The following LINGO1 variants were observed in gnomAD, a reference collection of about 807,000 sequenced individuals.
LINGO1 encodes the protein leucine rich repeat and Ig domain containing 1.
A neutral mutation model predicts 37.3 loss-of-function variants in LINGO1; 11 were observed. That is an observed-to-expected ratio of 0.29 (90% CI 0.19 to 0.49). LINGO1 has a LOEUF of 0.49. Ranked by LOEUF, LINGO1 falls within the 20% of genes least tolerant of loss-of-function variation. LINGO1 has a pLI of 0.99. For missense variants in LINGO1, 585 were observed against 878.2 expected, an observed-to-expected ratio of 0.67 and a Z score of 4.22; for synonymous variants, 387 against 403.0, an observed-to-expected ratio of 0.96 and a Z score of 0.48.
chr15:77,748,910 T>TCTC (rs1491271118), intron 1 of LINGO1, among the ~76,000 whole-genome samples: 1 of 6,580 alleles, frequency 1.5e-4, no homozygotes, highest in African/African-American at 2.1e-4. Context: ...CTTCCTTCTC[T>TCTC]TTTTTTTTTT....
chr15:77,676,839 C>T (rs1005832386), intron 3 of LINGO1, among the ~76,000 whole-genome samples: 4 of 152,200 alleles, frequency 2.6e-5, no homozygotes, highest in Non-Finnish European at 5.9e-5. Flanking sequence ...CTCAGCATCC[C>T]GGGGACAAAG....
chr15:77,731,336 T>C (rs972985950), intron 2 of LINGO1, among the ~76,000 whole-genome samples: 2 of 152,060 alleles, frequency 1.3e-5, no homozygotes, highest in Non-Finnish European at 2.9e-5. Context: ...GGCACACAAA[T>C]GCACATGCAC....
intron 2 of LINGO1, among the ~76,000 whole-genome samples, chr15:77,716,052 A>G (rs1294140020): frequency 1.3e-5 from 2 of 152,222 alleles, no homozygotes; most frequent in African/African-American, 4.8e-5. Context: ...ACAGGCGACC[A>G]GCTCATTCAA....
chr15:77,807,218 C>T lies in LINGO1; in HGVS notation c.-457-11165G>A, dbSNP rs181449025. Among the ~76,000 whole-genome samples the T allele has an allele frequency of 1.6e-3, 250 of 152,328 alleles. 1 individual carries two copies. Among genetic ancestry groups the T allele is most frequent in the Non-Finnish European group, 2.0e-3 (134 of 68,016 alleles). ...ATGCCCTGCTCTGGGCTCCTCATACCCAGGACCCACCTGTAGTGCAACTCA... is the reference window on the plus strand; with the variant it reads ...ATGCCCTGCTCTGGGCTCCTCATACTCAGGACCCACCTGTAGTGCAACTCA... On this transcript the variant is annotated intron_variant, in intron 1 of 5. Transcript: ENST00000562933.
At chr15:77,764,433 T>C (rs931289105) in intron 1 of LINGO1, among the ~76,000 whole-genome samples, 12 of 152,124 alleles carry the variant, frequency 7.9e-5, no homozygotes, top group Admixed American at 3.9e-4. Flanking sequence ...ACCTGCAGCA[T>C]AGATAGCTGA....
chr15:77,650,592 C>T (rs1216676099), intron 3 of LINGO1, among the ~76,000 whole-genome samples: 1 of 152,164 alleles, frequency 6.6e-6, no homozygotes, highest in Non-Finnish European at 1.5e-5. Context: ...TCATGGACTC[C>T]CACTTCCTCC....
chr15:77,768,642 G>A (rs933708861), intron 1 of LINGO1, among the ~76,000 whole-genome samples: 1 of 152,058 alleles, frequency 6.6e-6, no homozygotes, highest in Admixed American at 6.5e-5. Context: ...GAATATATGG[G>A]GGAGAGAGGC....
intron 2 of LINGO1, among the ~76,000 whole-genome samples, chr15:77,703,344 G>T (rs1347062705): frequency 2.6e-5 from 4 of 152,204 alleles, no homozygotes; most frequent in Non-Finnish European, 5.9e-5. Context: ...CTCTTAGAAC[G>T]TGATTGTTTC....
At chr15:77,707,126 C>G (rs1596137795) in intron 2 of LINGO1, among the ~76,000 whole-genome samples, 5 of 152,176 alleles carry the variant, frequency 3.3e-5, no homozygotes, top group Admixed American at 3.3e-4. Context: ...AGGCTGCAGG[C>G]TGCAGGCAGG....
chr15:77,682,146 G>A (rs575579886), intron 2 of LINGO1, among the ~76,000 whole-genome samples: 1 of 150,296 alleles, frequency 6.7e-6, no homozygotes, highest in Non-Finnish European at 1.5e-5. Flanking sequence ...TCTGTCTGTG[G>A]GTGGTCAGAT....
At chr15:77,774,468 C>G (rs931146736) in intron 1 of LINGO1, among the ~76,000 whole-genome samples, 1 of 152,150 alleles carries the variant, frequency 6.6e-6, no homozygotes, top group Non-Finnish European at 1.5e-5. Context: ...CCTACAGGAG[C>G]CCTCTCCAAC....
At chr15:77,798,224 CG>C (rs1055617571) in intron 1 of LINGO1, among the ~76,000 whole-genome samples, 4 of 152,194 alleles carry the variant, frequency 2.6e-5, no homozygotes, top group Non-Finnish European at 5.9e-5. Flanking sequence ...TCCTCAGGCC[CG>C]GGTACCCCAA....
intron 1 of LINGO1, among the ~76,000 whole-genome samples, chr15:77,813,446 C>T (rs1217347171): frequency 6.6e-6 from 1 of 152,092 alleles, no homozygotes; most frequent in Non-Finnish European, 1.5e-5. Flanking sequence ...GGTCAGAACG[C>T]CAGCCTGGAG....
chr15:77,628,946 T>G (rs1042767921), intron 1 of LINGO1, among the ~76,000 whole-genome samples: 1 of 152,240 alleles, frequency 6.6e-6, no homozygotes, highest in African/African-American at 2.4e-5. Flanking sequence ...ATGTAAACTA[T>G]GAGTAGCTAG....
At chr15:77,668,441 TG>T (rs1484825810) in intron 3 of LINGO1, among the ~76,000 whole-genome samples, 7 of 152,080 alleles carry the variant, frequency 4.6e-5, no homozygotes, top group Non-Finnish European at 8.8e-5. Flanking sequence ...AAAACCTGCA[TG>T]TAATGCCAGT....
At chr15:77,804,551 AG>A (rs1420122923) in intron 1 of LINGO1, among the ~76,000 whole-genome samples, 1 of 152,206 alleles carries the variant, frequency 6.6e-6, no homozygotes, top group East Asian at 1.9e-4. Context: ...TCTCATTCTC[AG>A]ACTCTTGGCC....
chr15:77,792,839 GC>G (rs2076828900), intron 2 of LINGO1, among the ~76,000 whole-genome samples: 2 of 152,198 alleles, frequency 1.3e-5, no homozygotes, highest in Non-Finnish European at 2.9e-5. Flanking sequence ...GTGAGTATGC[GC>G]TGAAGGAAGA....
intron 2 of LINGO1, among the ~76,000 whole-genome samples, chr15:77,711,426 A>C (rs919472816): frequency 9.9e-5 from 15 of 152,138 alleles, no homozygotes; most frequent in African/African-American, 3.6e-4. Context: ...GAGAGAAGAC[A>C]CCTTCCTGCC....
At chr15:77,668,568 C>A (rs777796289) in intron 3 of LINGO1, among the ~76,000 whole-genome samples, 1 of 152,192 alleles carries the variant, frequency 6.6e-6, no homozygotes, top group Non-Finnish European at 1.5e-5. Flanking sequence ...TAGAGACAAC[C>A]TGGACTGTCA....
Sources: gnomAD v4.1 joint callset for allele counts (sites outside exome capture counted in the v4.1 genomes callset) on GRCh38, gnomAD v4.1.1 for gene constraint, MANE v1.5 for transcripts, NCBI Gene and HGNC (gene_info 2026-07-23, HGNC 2026-07-21) for gene names.